CTNNA3: variants seen among roughly 807,000 people sequenced by gnomAD.
CTNNA3 encodes the protein catenin alpha-3.
A neutral mutation model predicts 95.7 loss-of-function variants in CTNNA3; 76 were observed. That is an observed-to-expected ratio of 0.79 (90% CI 0.66 to 0.96). The LOEUF (loss-of-function observed/expected upper bound fraction) is 0.96. CTNNA3 is among the 40% of genes least tolerant of loss of function. CTNNA3 has a pLI of 0.00. For missense variants in CTNNA3, 1,191 were observed against 1,089.8 expected, an observed-to-expected ratio of 1.09 and a Z score of -1.31; for synonymous variants, 431 against 374.4, an observed-to-expected ratio of 1.15 and a Z score of -1.74.
At chr10:66,838,297 T>C (rs1000871719) in intron 7 of CTNNA3, among the ~76,000 whole-genome samples, 1 of 152,134 alleles carries the variant, frequency 6.6e-6, no homozygotes, top group Non-Finnish European at 1.5e-5. Flanking sequence ...ACTGAGGTAA[T>C]GTTAGATGAT....
chr10:66,347,219 G>T (rs752062355), intron 12 of CTNNA3, among the ~76,000 whole-genome samples: 8 of 151,992 alleles, frequency 5.3e-5, no homozygotes, highest in Non-Finnish European at 1.0e-4. Context: ...TACATTAAAT[G>T]ATTTAATTCT....
chr10:66,637,762 A>G (rs531463582), intron 9 of CTNNA3, among the ~76,000 whole-genome samples: 107 of 152,308 alleles, frequency 7.0e-4, no homozygotes, highest in African/African-American at 2.4e-3. Context: ...CAGTAGCCAG[A>G]AACAGAGAAT....
intron 13 of CTNNA3, among the ~76,000 whole-genome samples, chr10:66,168,164 A>C (rs901602910): frequency 2.0e-5 from 3 of 152,180 alleles, no homozygotes; most frequent in Non-Finnish European, 2.9e-5. Context: ...TGAGCTGTCT[A>C]TTCTACTGGA....
At chr10:66,180,928 C>T (rs2086007840) in intron 13 of CTNNA3, among the ~76,000 whole-genome samples, 1 of 151,872 alleles carries the variant, frequency 6.6e-6, no homozygotes, top group South Asian at 2.1e-4. Flanking sequence ...ATCTAGTGGC[C>T]ACTTACATAA....
intron 10 of CTNNA3, among the ~76,000 whole-genome samples, chr10:66,578,459 T>C (rs1030849212): frequency 1.3e-5 from 2 of 152,048 alleles, no homozygotes; most frequent in Non-Finnish European, 2.9e-5. Context: ...GGGTTTGTCA[T>C]AAATAGCTCT....
chr10:66,202,580 C>T (rs1294226494), intron 13 of CTNNA3, among the ~76,000 whole-genome samples: 1 of 152,142 alleles, frequency 6.6e-6, no homozygotes, highest in East Asian at 1.9e-4. Flanking sequence ...TGTAGTTTTG[C>T]TCCGGTTTTT....
At chr10:66,782,070 T>C (rs746035842) in intron 7 of CTNNA3, among the ~76,000 whole-genome samples, 1 of 152,216 alleles carries the variant, frequency 6.6e-6, no homozygotes, top group Non-Finnish European at 1.5e-5. Flanking sequence ...TATAAGTTTG[T>C]GGAGCCAGTT....
At chr10:67,513,109 T>A (rs1337526509) in intron 5 of CTNNA3, among the ~76,000 whole-genome samples, 1 of 152,214 alleles carries the variant, frequency 6.6e-6, no homozygotes. Flanking sequence ...GTTAAAAGCA[T>A]CTTTGTTGTT....
intron 9 of CTNNA3, among the ~76,000 whole-genome samples, chr10:66,727,325 G>A (rs1288801746): frequency 6.6e-6 from 1 of 151,674 alleles, no homozygotes; most frequent in African/African-American, 2.4e-5. Context: ...TACAAGAGTA[G>A]GTAAAAATTG....
intron 7 of CTNNA3, among the ~76,000 whole-genome samples, chr10:67,138,036 AC>A (rs1456065473): frequency 6.6e-6 from 1 of 152,134 alleles, no homozygotes; most frequent in Non-Finnish European, 1.5e-5. Context: ...ACATTTGCTT[AC>A]AAAATAAATA....
intron 9 of CTNNA3, among the ~76,000 whole-genome samples, chr10:66,632,081 G>C (rs531086238): frequency 2.0e-5 from 3 of 152,032 alleles, no homozygotes; most frequent in Non-Finnish European, 4.4e-5. Context: ...GATATAAAAA[G>C]AGAATGGAAT....
chr10:66,722,601 T>A (rs1379380533), intron 9 of CTNNA3, among the ~76,000 whole-genome samples: 1 of 142,430 alleles, frequency 7.0e-6, no homozygotes, highest in Non-Finnish European at 1.5e-5. Context: ...AGAAACACAC[T>A]TTTAATACTT....
intron 13 of CTNNA3, among the ~76,000 whole-genome samples, chr10:66,269,964 C>T (rs539601558): frequency 1.3e-5 from 2 of 152,148 alleles, no homozygotes; most frequent in Non-Finnish European, 2.9e-5. Flanking sequence ...TTAGTGGCCA[C>T]AAAATACAAT....
intron 7 of CTNNA3, among the ~76,000 whole-genome samples, chr10:66,832,816 G>A (rs1019999314): frequency 2.6e-5 from 4 of 152,026 alleles, no homozygotes; most frequent in African/African-American, 9.7e-5. Flanking sequence ...GCAGAGTGAG[G>A]ACCAGAGCTC....
chr10:66,908,340 G>A (rs547289115), intron 7 of CTNNA3, among the ~76,000 whole-genome samples: 19 of 152,300 alleles, frequency 1.2e-4, no homozygotes, highest in African/African-American at 4.6e-4. Context: ...CATACAGGCT[G>A]CCAGACACAA....
At position 66,145,526 on chromosome 10, in the gene CTNNA3, G is replaced by T. The variant is rs565576681; in HGVS notation, c.1885-42277C>A. On this transcript the variant is annotated intron_variant, in intron 13 of 17. Coordinates refer to ENST00000433211, the MANE Select transcript of CTNNA3 (RefSeq NM_013266.4). Reference sequence around the variant, plus strand: ...TATCATTTATAGAGAAAGTGGGGAAGGGTTTCTCTACTCTAAATGACTATG... The same window carrying T: ...TATCATTTATAGAGAAAGTGGGGAATGGTTTCTCTACTCTAAATGACTATG... Among the ~76,000 whole-genome samples, 15 of 152,284 alleles carry T rather than the reference G, an allele frequency of 9.9e-5. No homozygotes were observed. In the South Asian group the frequency reaches 2.9e-3, roughly 29 times the overall value.
intron 3 of CTNNA3, among the ~76,000 whole-genome samples, chr10:67,606,060 G>T (rs533522950): frequency 8.5e-5 from 13 of 152,212 alleles, no homozygotes; most frequent in African/African-American, 2.6e-4. Flanking sequence ...ATTAGCAAAG[G>T]CTTCCTGATT....
intron 7 of CTNNA3, among the ~76,000 whole-genome samples, chr10:67,141,565 G>A (rs935578038): frequency 1.2e-4 from 18 of 152,166 alleles, no homozygotes; most frequent in African/African-American, 3.4e-4. Context: ...ATGTAGAACT[G>A]AGAAGACATG....
At chr10:67,657,570 G>C (rs1005687092) in intron 1 of CTNNA3, among the ~76,000 whole-genome samples, 2 of 152,092 alleles carry the variant, frequency 1.3e-5, no homozygotes, top group Non-Finnish European at 2.9e-5. Flanking sequence ...AACTGACCAG[G>C]CACGGTGGCT....
Sources: gnomAD v4.1 joint callset for allele counts (sites outside exome capture counted in the v4.1 genomes callset) on GRCh38, gnomAD v4.1.1 for gene constraint, MANE v1.5 for transcripts, NCBI Gene and HGNC (gene_info 2026-07-23, HGNC 2026-07-21) for gene names.